The following DLG2 variants were observed in gnomAD, a reference collection of about 807,000 sequenced individuals.
DLG2 encodes discs large MAGUK scaffold protein 2.
DLG2 carries 45 observed loss-of-function variants against 132.5 expected under a neutral mutation model. That is an observed-to-expected ratio of 0.34 (90% CI 0.27 to 0.44). The LOEUF is 0.44. Among genes scored for constraint, DLG2 ranks in the 20% least tolerant of loss-of-function variants. The probability of loss-of-function intolerance (pLI) is 1.00; values close to 1 mark genes in which losing one functional copy is unlikely to be tolerated. For synonymous variants in DLG2, 424 were observed against 419.6 expected, an observed-to-expected ratio of 1.01 and a Z score of -0.13; for missense variants, 1,045 against 1,196.9, an observed-to-expected ratio of 0.87 and a Z score of 1.87.
intron 17 of DLG2, among the ~76,000 whole-genome samples, chr11:83,795,827 C>T (rs2042692255): frequency 2.0e-5 from 3 of 152,148 alleles, no homozygotes; most frequent in African/African-American, 4.8e-5. Flanking sequence ...TCTTCTTCAA[C>T]CCCAATTTAT....
At chr11:84,740,831 G>T (rs1307083622) in intron 6 of DLG2, among the ~76,000 whole-genome samples, 2 of 152,094 alleles carry the variant, frequency 1.3e-5, no homozygotes, top group Non-Finnish European at 2.9e-5. Flanking sequence ...AGTGGGAGAG[G>T]TTCTTGAGCC....
intron 3 of DLG2, among the ~76,000 whole-genome samples, chr11:85,576,697 A>G (rs945696083): frequency 1.3e-5 from 2 of 152,198 alleles, no homozygotes; most frequent in Admixed American, 1.3e-4. Flanking sequence ...TTAGGATTAA[A>G]AGAGTGAACA....
chr11:84,699,900 A>T (rs1565697937), intron 6 of DLG2, among the ~76,000 whole-genome samples: 1 of 151,756 alleles, frequency 6.6e-6, no homozygotes, highest in East Asian at 1.9e-4. Context: ...CTGAGTCTCA[A>T]CAACTTTGGG....
chr11:84,893,279 G>C lies in DLG2; in HGVS notation c.357+218382C>G, dbSNP rs559875685. ...ACCACCTCATCAAGAGTTCGACCCT[G>C]CATCCTGCCCAAATTGTCCTGTTTC... On this transcript the variant is annotated intron_variant, in intron 6 of 27. Coordinates refer to ENST00000376104, the MANE Select transcript of DLG2 (RefSeq NM_001142699.3). Among the ~76,000 whole-genome samples the C allele has an allele frequency of 3.0e-4, 45 of 152,236 alleles. 1 individual carries two copies. The highest frequency in any genetic ancestry group is 2.3e-3 in the East Asian group (12 of 5,166).
chr11:84,163,425 G>A (rs753302902), intron 9 of DLG2, 36 bp downstream of exon 9: 2 of 1,556,514 alleles, frequency 1.3e-6, no homozygotes, highest in African/African-American at 2.8e-5. Flanking sequence ...TGAAATGCAA[G>A]ATTGGGGCTT....
chr11:84,237,917 CTG>C (rs2097178534), intron 8 of DLG2, among the ~76,000 whole-genome samples: 1 of 151,412 alleles, frequency 6.6e-6, no homozygotes, highest in African/African-American at 2.4e-5. Context: ...GGTGGGGCAC[CTG>C]TAATCCCAGC....
chr11:83,456,002 C>A lies in DLG2; in HGVS notation c.*3816G>T, dbSNP rs924266844. ...CCATTCAGTCTCACCAGAGCAATCACCAGCTGAAAAGCAGAGGGGGCTTCA... is the reference window on the plus strand; with the variant it reads ...CCATTCAGTCTCACCAGAGCAATCAACAGCTGAAAAGCAGAGGGGGCTTCA... On this transcript the variant is annotated 3_prime_UTR_variant, in exon 28 of 28. Transcript: ENST00000376104. 2 of 152,530 alleles carry A rather than the reference C, an allele frequency of 1.3e-5. No homozygotes were observed. Among genetic ancestry groups the A allele is most frequent in the African/African-American group, 4.8e-5 (2 of 41,414 alleles). The allele number at this position is 152,530 out of a possible 1,614,324, so 9.4% of individuals were successfully genotyped here.
At chr11:85,273,391 C>G (rs541289313) in intron 4 of DLG2, among the ~76,000 whole-genome samples, 117 of 152,136 alleles carry the variant, frequency 7.7e-4, no homozygotes, top group African/African-American at 2.6e-3. Flanking sequence ...CTACAAAGAA[C>G]TTAAAAAAAT....
intron 10 of DLG2, among the ~76,000 whole-genome samples, chr11:84,079,041 G>A (rs2096866821): frequency 6.6e-6 from 1 of 152,104 alleles, no homozygotes; most frequent in South Asian, 2.1e-4. Context: ...TTGAAAACAA[G>A]GGTATTATAT....
chr11:83,602,680 C>T (rs535067414), intron 19 of DLG2, among the ~76,000 whole-genome samples: 1 of 152,144 alleles, frequency 6.6e-6, no homozygotes, highest in Non-Finnish European at 1.5e-5. Context: ...TTTTGATTCA[C>T]AGCACACCTC....
intron 11 of DLG2, among the ~76,000 whole-genome samples, chr11:84,002,967 A>C (rs1490667954): frequency 1.3e-5 from 2 of 152,158 alleles, no homozygotes; most frequent in African/African-American, 4.8e-5. Flanking sequence ...TGAATGCGTA[A>C]AACTCAATGC....
intron 18 of DLG2, among the ~76,000 whole-genome samples, chr11:83,638,478 T>A (rs1007412357): frequency 6.6e-6 from 1 of 152,176 alleles, no homozygotes; most frequent in Non-Finnish European, 1.5e-5. Context: ...TCTAAAAGAT[T>A]GGCGCTTGGT....
intron 5 of DLG2, among the ~76,000 whole-genome samples, chr11:85,115,621 G>C (rs1355482636): frequency 6.6e-6 from 1 of 152,058 alleles, no homozygotes; most frequent in African/African-American, 2.4e-5. Context: ...GCAAAAGGTG[G>C]AAGTATTTAA....
intron 2 of DLG2, among the ~76,000 whole-genome samples, chr11:85,622,800 C>G (rs1050169381): frequency 6.6e-6 from 1 of 152,178 alleles, no homozygotes; most frequent in African/African-American, 2.4e-5. Flanking sequence ...TGGCTCATGC[C>G]TGTAATCCCA....
At chr11:85,008,736 G>A (rs2058907609) in intron 6 of DLG2, among the ~76,000 whole-genome samples, 1 of 152,114 alleles carries the variant, frequency 6.6e-6, no homozygotes, top group African/African-American at 2.4e-5. Flanking sequence ...TGTAGACACT[G>A]TGATGAGCAA....
intron 6 of DLG2, among the ~76,000 whole-genome samples, chr11:84,942,189 ACTT>A (rs2049528680): frequency 6.6e-6 from 1 of 151,912 alleles, no homozygotes; most frequent in Non-Finnish European, 1.5e-5. Flanking sequence ...ATGAAAACTA[ACTT>A]CTTATTTTGT....
chr11:84,858,412 G>C (rs2083086444), intron 6 of DLG2, among the ~76,000 whole-genome samples: 1 of 152,058 alleles, frequency 6.6e-6, no homozygotes, highest in African/African-American at 2.4e-5. Context: ...ATGGTAGAGT[G>C]AGATTTTCTT....
intron 7 of DLG2, among the ~76,000 whole-genome samples, chr11:84,313,226 G>GT (rs2098309898): frequency 1.3e-5 from 2 of 150,530 alleles, no homozygotes; most frequent in Non-Finnish European, 3.0e-5. Context: ...AGCAATTCTC[G>GT]TGCCTCAGCC....
At chr11:84,809,533 C>G (rs914493117) in intron 6 of DLG2, among the ~76,000 whole-genome samples, 1 of 151,542 alleles carries the variant, frequency 6.6e-6, no homozygotes, top group Non-Finnish European at 1.5e-5. Flanking sequence ...TCCTAATGAA[C>G]CTACAAAGAA....
Sources: gnomAD v4.1 joint callset for allele counts (sites outside exome capture counted in the v4.1 genomes callset) on GRCh38, gnomAD v4.1.1 for gene constraint, MANE v1.5 for transcripts, NCBI Gene and HGNC (gene_info 2026-07-23, HGNC 2026-07-21) for gene names.